SPHKAP: variants seen among roughly 807,000 people sequenced by gnomAD.
The protein encoded by SPHKAP is SPHK1 interactor, AKAP domain containing, also known as A-kinase anchor protein SPHKAP.
A neutral mutation model predicts 137.5 loss-of-function variants in SPHKAP; 67 were observed. That is an observed-to-expected ratio of 0.49 (90% CI 0.40 to 0.60). SPHKAP has a LOEUF of 0.60. Ranked by LOEUF, SPHKAP falls within the 20% of genes least tolerant of loss-of-function variation. The pLI, the probability that SPHKAP is intolerant of heterozygous loss-of-function variation, is 0.00. For missense variants in SPHKAP, 2,097 were observed against 2,069.3 expected, an observed-to-expected ratio of 1.01 and a Z score of -0.26; for synonymous variants, 813 against 785.3, an observed-to-expected ratio of 1.04 and a Z score of -0.59.
chr2:228,076,966 C>A (rs1333517474), intron 3 of SPHKAP, among the ~76,000 whole-genome samples: 1 of 152,150 alleles, frequency 6.6e-6, no homozygotes, highest in East Asian at 1.9e-4. Context: ...CTGCTATGTG[C>A]AGCCTAGAGT....
chr2:228,140,462 A>C (rs1699570601), intron 1 of SPHKAP, among the ~76,000 whole-genome samples: 1 of 152,102 alleles, frequency 6.6e-6, no homozygotes, highest in Non-Finnish European at 1.5e-5. Flanking sequence ...GATCTTCTTC[A>C]TACTACTTCT....
At chr2:228,154,038 G>A (rs1298727746) in intron 1 of SPHKAP, among the ~76,000 whole-genome samples, 5 of 152,106 alleles carry the variant, frequency 3.3e-5, no homozygotes, top group Non-Finnish European at 5.9e-5. Context: ...CCTCACTCTC[G>A]CTCAGTTAAA....
intron 3 of SPHKAP, among the ~76,000 whole-genome samples, chr2:228,066,913 T>C (rs1052821039): frequency 6.6e-6 from 1 of 152,224 alleles, no homozygotes; most frequent in South Asian, 2.1e-4. Flanking sequence ...GTATTTTTGA[T>C]GTACTGTTCA....
chr2:228,140,704 G>A (rs1489946622), intron 1 of SPHKAP, among the ~76,000 whole-genome samples: 1 of 152,070 alleles, frequency 6.6e-6, no homozygotes, highest in African/African-American at 2.4e-5. Context: ...TCATGGGGGG[G>A]TGGATTTCTC....
In SPHKAP at chr2:228,092,226, T is replaced by C. The variant is rs562475574; in HGVS notation, c.246+16606A>G. Among the ~76,000 whole-genome samples the C allele has an allele frequency of 1.8e-4, 26 of 147,134 alleles. No individual in the cohort carries two copies. The East Asian group carries it at 3.2e-3, about 18-fold the overall frequency. ...ATACACACATATATACACACATATA[T>C]ACACACATGTATACACACGTGTATA... On this transcript the variant is annotated intron_variant, in intron 3 of 11. Transcript: ENST00000392056.
intron 1 of SPHKAP, among the ~76,000 whole-genome samples, chr2:228,161,479 T>A (rs576730655): frequency 1.2e-4 from 19 of 152,180 alleles, no homozygotes; most frequent in Non-Finnish European, 2.6e-4. Flanking sequence ...CTGCATATTC[T>A]CGCTTAAAAG....
chr2:228,046,035 A>G (rs1696034936), intron 3 of SPHKAP, among the ~76,000 whole-genome samples: 2 of 152,012 alleles, frequency 1.3e-5, no homozygotes, highest in South Asian at 4.2e-4. Flanking sequence ...TGTTTACTTG[A>G]ATTTTGATAA....
intron 7 of SPHKAP, among the ~76,000 whole-genome samples, chr2:228,005,948 C>G (rs1038361748): frequency 6.6e-6 from 1 of 152,152 alleles, no homozygotes; most frequent in African/African-American, 2.4e-5. Context: ...GGTAACCCGA[C>G]CTTTCTCTTT....
At position 227,991,006 on chromosome 2, in the gene SPHKAP, A is replaced by C; in HGVS notation, c.4953T>G (p.Ile1651Met). 1 of 1,613,936 alleles carries C rather than the reference A, an allele frequency of 6.2e-7. No homozygotes were observed. The highest frequency in any genetic ancestry group is 8.5e-7 in the Non-Finnish European group (1 of 1,179,918). Residue 1651 changes from isoleucine (I) to methionine (M), a missense_variant, in exon 11 of 12, where the codon ATT (isoleucine) becomes ATG (methionine). By Grantham distance (10) the Ile-to-Met change is conservative (BLOSUM62 1). Coordinates refer to ENST00000392056, the MANE Select transcript of SPHKAP (RefSeq NM_001142644.2). ...CAAACCTGGTACATGATACCTTTTC[A>C]ATTCTGTTTTCCTGAGATTTCTTAA... The part of the protein sequence containing the change: ...IYFKKSQENR[I>M]EKFLDVVQLV...
chr2:228,134,138 AAG>A lies in SPHKAP; in HGVS notation c.33-2055_33-2054del, dbSNP rs1274107609. 9.2e-4 allele frequency among the ~76,000 whole-genome samples: 47 copies of A among 51,116 alleles called. 1 individual carries two copies. The highest frequency in any genetic ancestry group is 8.5e-3 in the Admixed American group (39 of 4,604). The allele number at this position is 51,116 out of a possible 152,430, so 33.5% of individuals were successfully genotyped here. A position where few individuals can be genotyped will look rare whatever the true frequency, so the allele number is the denominator to read the frequency against. On this transcript the variant is annotated intron_variant, in intron 1 of 11. Transcript: ENST00000392056. Reference sequence around the variant, plus strand: ...GGAGAGAGAGAGAGAAAGAAAGAGAAAGAGAAAGAAAGAGGAAGAAAAGGAAG... The same window carrying A: ...GGAGAGAGAGAGAGAAAGAAAGAGAAAGAAAGAAAGAGGAAGAAAAGGAAG...
In SPHKAP at chr2:227,991,312, T is replaced by C. The variant is rs139618285; in HGVS notation, c.4736A>G (p.Glu1579Gly). The change falls in exon 10 of 12, where the codon GAA becomes GGA. Residue 1579 changes from glutamate to glycine, a missense_variant. Coordinates refer to ENST00000392056, the MANE Select transcript of SPHKAP (RefSeq NM_001142644.2). ...SSPMINELVEEKKILKGQSES... is the reference protein window; with the variant it reads ...SSPMINELVEGKKILKGQSES... Reference sequence around the variant, plus strand: ...TGACTGTCCTTTAAGAATCTTCTTTTCTTCTACTAATTCACTTTGGGAGAA... The same window carrying C: ...TGACTGTCCTTTAAGAATCTTCTTTCCTTCTACTAATTCACTTTGGGAGAA... The C allele has an allele frequency of 1.6e-5, 26 of 1,614,132 alleles. No individual in the cohort carries two copies. The highest frequency in any genetic ancestry group is 2.2e-5 in the East Asian group (1 of 44,898).
intron 1 of SPHKAP, among the ~76,000 whole-genome samples, chr2:228,164,425 A>G (rs1700361974): frequency 6.6e-6 from 1 of 152,156 alleles, no homozygotes; most frequent in South Asian, 2.1e-4. Flanking sequence ...ATGTCCTATT[A>G]ATGCTGTCCC....
intron 1 of SPHKAP, among the ~76,000 whole-genome samples, chr2:228,177,553 A>G (rs138552610): frequency 4.5e-4 from 69 of 152,360 alleles, no homozygotes; most frequent in African/African-American, 1.6e-3. Context: ...AGAAATTTAA[A>G]TATACTCTTA....
At chr2:228,179,573 G>A (rs1700840885) in intron 1 of SPHKAP, among the ~76,000 whole-genome samples, 1 of 152,028 alleles carries the variant, frequency 6.6e-6, no homozygotes, top group South Asian at 2.1e-4. Flanking sequence ...ACTGATTTGT[G>A]GATTAAGAAG....
intron 2 of SPHKAP, among the ~76,000 whole-genome samples, chr2:228,129,983 A>T (rs7603394): frequency 6.6e-6 from 1 of 151,746 alleles, no homozygotes; most frequent in African/African-American, 2.4e-5. Context: ...TTTAGTAGAG[A>T]CGGAGTTTCA....
In SPHKAP at chr2:228,022,178, G is replaced by A. The variant is rs1339542219; in HGVS notation, c.442-212C>T. On this transcript the variant is annotated intron_variant, in intron 5 of 11. Transcript: ENST00000392056. ...GGTACCTAGGAGAAAGCCTGACTTA[G>A]GGAAAAATAGATCGGCTGTATCACA... is the stretch of plus-strand genomic sequence containing the variant. 5.1e-6 allele frequency: 5 copies of A among 985,042 alleles called. No individual in the cohort carries two copies. The Admixed American group carries it at 1.8e-4, about 36-fold the overall frequency. 61.0% of individuals were successfully genotyped at this position (985,042 alleles called of 1,614,324 possible).
chr2:228,119,185 C>T (rs1002518736), intron 2 of SPHKAP, among the ~76,000 whole-genome samples: 4 of 152,000 alleles, frequency 2.6e-5, no homozygotes, highest in African/African-American at 4.8e-5. Flanking sequence ...AGGAGTGTGC[C>T]TGGTGTGTTT....
intron 3 of SPHKAP, among the ~76,000 whole-genome samples, chr2:228,030,555 AAT>A (rs1553615000): frequency 1.7e-5 from 1 of 59,144 alleles, no homozygotes; most frequent in African/African-American, 8.3e-5. Flanking sequence ...AAAAAAAAAA[AAT>A]AAAAAAATTA....
At chr2:228,091,969 G>T (rs912002914) in intron 3 of SPHKAP, among the ~76,000 whole-genome samples, 7 of 151,770 alleles carry the variant, frequency 4.6e-5, no homozygotes, top group Admixed American at 1.3e-4. Context: ...ACTTGAACAC[G>T]CATGTTTACA....
Sources: gnomAD v4.1 joint callset for allele counts (sites outside exome capture counted in the v4.1 genomes callset) on GRCh38, gnomAD v4.1.1 for gene constraint, MANE v1.5 for transcripts, NCBI Gene and HGNC (gene_info 2026-07-23, HGNC 2026-07-21) for gene names.